ACOT12: variants seen among roughly 807,000 people sequenced by gnomAD.
ACOT12 encodes acyl-CoA thioesterase 12.
In ACOT12, 51 loss-of-function variants were observed where a neutral mutation model predicts 67.7. The ratio of observed to expected loss-of-function variants is 0.75; its 90% CI spans 0.60 to 0.95. The LOEUF (loss-of-function observed/expected upper bound fraction) is 0.95. ACOT12 is among the 40% of genes least tolerant of loss of function. ACOT12 has a pLI of 0.00. For missense variants in ACOT12, 734 were observed against 708.1 expected (o/e 1.04, Z -0.41); for synonymous variants, 251 against 244.6 (o/e 1.03, Z -0.24).
intron 10 of ACOT12, among the ~76,000 whole-genome samples, chr5:81,343,179 T>C (rs1759257141): frequency 6.7e-6 from 1 of 148,438 alleles, no homozygotes; most frequent in Non-Finnish European, 1.5e-5. Flanking sequence ...AGAGTGAGAC[T>C]CTGTCTCAAA....
rs777679257 is a variant in ACOT12 at position 81,344,985 on chromosome 5, C to T, written c.830G>A (p.Arg277Gln). Residue 277 changes from arginine to glutamine, a missense_variant, in exon 8 of 15, where the codon CGA (arginine) becomes CAA (glutamine). Arg to Gln is a conservative substitution (Grantham distance 43, BLOSUM62 1). Transcript: ENST00000307624. ...AFDCQEWAEGRGRHINSAFLI... is the reference protein window; with the variant it reads ...AFDCQEWAEGQGRHINSAFLI... Reference sequence around the variant, plus strand: ...AAAAGCACTGTTGATGTGACGCCCTCGGCCCTCGGCCCATTCCTGACAGTC... The same window carrying T: ...AAAAGCACTGTTGATGTGACGCCCTTGGCCCTCGGCCCATTCCTGACAGTC... 32 of 1,614,170 alleles carry T rather than the reference C, an allele frequency of 2.0e-5. No individual in the cohort carries two copies. The Middle Eastern group carries it at 4.9e-4, about 25-fold the overall frequency.
rs557955647 is a variant in ACOT12, at chr5:81,345,024, C to T, written c.791G>A (p.Arg264His). 228 of 1,614,044 alleles carry T rather than the reference C, an allele frequency of 1.4e-4. No individual in the cohort carries two copies. The South Asian group carries it at 2.2e-3, about 16-fold the overall frequency. ...TFQTCVEVGV[R>H]VEAFDCQEWA... Reference sequence around the variant, plus strand: ...TTCCTGACAGTCAAAGGCCTCCACGCGAACTCCAACTTCAACACTGTGAAG... The same window carrying T: ...TTCCTGACAGTCAAAGGCCTCCACGTGAACTCCAACTTCAACACTGTGAAG... The change falls in exon 8 of 15, where the codon CGC (arginine) becomes CAC (histidine). Residue 264 changes from arginine (R) to histidine (H), a missense_variant. Physicochemically the swap from Arg to His is conservative, Grantham distance 29. Coordinates refer to ENST00000307624, the MANE Select transcript of ACOT12 (RefSeq NM_130767.3).
Position 81,363,902 on chromosome 5 carries a change from A to G in ACOT12, c.259-13T>C. 6.5e-7 allele frequency: 1 copy of G among 1,547,888 alleles called. No homozygotes were observed. The highest frequency in any genetic ancestry group is 8.7e-7 in the Non-Finnish European group (1 of 1,144,960). ...CCTTGATACTGATCTAAAATGAAAA[A>G]AAGATAAATAAATACACTCTTGGCC... On this transcript the variant is annotated splice_polypyrimidine_tract_variant and intron_variant, in intron 3 of 14. Transcript: ENST00000307624.
intron 5 of ACOT12, among the ~76,000 whole-genome samples, chr5:81,355,833 T>C (rs924653771): frequency 1.3e-5 from 2 of 152,204 alleles, no homozygotes; most frequent in Non-Finnish European, 2.9e-5. Context: ...CTTGGATGGC[T>C]GGAGTGAAGG....
chr5:81,309,195 T>A, the ACOT12 span: 2 of 510,546 alleles, frequency 3.9e-6, no homozygotes, highest in Non-Finnish European at 3.3e-6. Flanking sequence ...TGTACTAGGC[T>A]TTTTGTGCAA....
intron 3 of ACOT12, among the ~76,000 whole-genome samples, chr5:81,369,382 G>C (rs867050460): frequency 6.6e-6 from 1 of 152,194 alleles, no homozygotes. Flanking sequence ...AATTAGCAGA[G>C]GGCTGGCCTC....
At chr5:81,329,956 T>C (rs1277540937), downstream of ACOT12, 1 of 153,970 alleles carries the variant, frequency 6.5e-6, no homozygotes, top group Non-Finnish European at 1.4e-5. Context: ...AGACACCTGC[T>C]GCACGAGGAA....
Position 81,335,843 on chromosome 5 carries a change from A to G in ACOT12, c.1187T>C (p.Val396Ala), listed in dbSNP as rs1424642248. The G allele has an allele frequency of 1.5e-5, 25 of 1,614,178 alleles. No homozygotes were observed. Among genetic ancestry groups the G allele is most frequent in the Non-Finnish European group, 2.1e-5 (25 of 1,180,006 alleles). Residue 396 changes from valine to alanine, a missense_variant, in exon 12 of 15, where the codon GTG becomes GCG. Val to Ala is a moderately conservative substitution (Grantham distance 64). Transcript: ENST00000307624. ...DVLSVWVEKHVGSPAHLAYRL... is the reference protein window; with the variant it reads ...DVLSVWVEKHAGSPAHLAYRL... Reference sequence around the variant, plus strand: ...ATAAGCCAAATGTGCTGGACTTCCCACGTGCTTTTCAACCCAAACAGATAA... The same window carrying G: ...ATAAGCCAAATGTGCTGGACTTCCCGCGTGCTTTTCAACCCAAACAGATAA...
intron 11 of ACOT12, among the ~76,000 whole-genome samples, chr5:81,339,905 T>A (rs920757101): frequency 6.6e-6 from 1 of 150,754 alleles, no homozygotes. Flanking sequence ...GATTTTTTTT[T>A]ATAGAGATGA....
chr5:81,326,330 G>A (rs900530405), downstream of ACOT12, among the ~76,000 whole-genome samples: 1 of 151,604 alleles, frequency 6.6e-6, no homozygotes, highest in Non-Finnish European at 1.5e-5. Context: ...CTTCATGTTG[G>A]TCAGGCTGGT....
chr5:81,339,955 G>C (rs909118148), intron 11 of ACOT12, among the ~76,000 whole-genome samples: 1 of 151,532 alleles, frequency 6.6e-6, no homozygotes, highest in Non-Finnish European at 1.5e-5. Context: ...AAACTCCTAG[G>C]CTCAAACAAT....
intron 2 of ACOT12, among the ~76,000 whole-genome samples, chr5:81,383,820 T>A (rs1017327689): frequency 1.5e-4 from 23 of 152,138 alleles, no homozygotes; most frequent in African/African-American, 4.8e-4. Context: ...TTTAAACAGC[T>A]CTATAAAAGG....
At chr5:81,389,194 G>T (rs759809404) in intron 1 of ACOT12, among the ~76,000 whole-genome samples, 1 of 152,168 alleles carries the variant, frequency 6.6e-6, no homozygotes, top group Non-Finnish European at 1.5e-5. Flanking sequence ...GGAGGGGAAG[G>T]CCTGCTGAGC....
At position 81,394,128 on chromosome 5, in the gene ACOT12, G is replaced by A. The variant is rs887062543; in HGVS notation, c.-14C>T. The A allele has an allele frequency of 1.3e-4, 184 of 1,419,986 alleles. 1 individual carries two copies. The highest frequency in any genetic ancestry group is 1.7e-4 in the Non-Finnish European group (182 of 1,089,424). The allele number at this position is 1,419,986 out of a possible 1,614,324, so 88.0% of individuals were successfully genotyped here. A position where few individuals can be genotyped will look rare whatever the true frequency, so the allele number is the denominator to read the frequency against. On this transcript the variant is annotated 5_prime_UTR_variant, in exon 1 of 15. Coordinates refer to ENST00000307624, the MANE Select transcript of ACOT12 (RefSeq NM_130767.3). Reference sequence around the variant, plus strand: ...CGGCCGCTCCATGGCCAGGGCGAGAGCGCTACGCCTGCGGCCCCCGACACC... The same window carrying A: ...CGGCCGCTCCATGGCCAGGGCGAGAACGCTACGCCTGCGGCCCCCGACACC...
In ACOT12 at chr5:81,347,861, A is replaced by ACCAGTTCAAT. The variant is rs774734953; in HGVS notation, c.556_565dup (p.Val189AspfsTer2). The stretch of plus-strand genomic sequence containing the variant: ...GTGATGGTTTGCATGGGGTGGGAGG[A>ACCAGTTCAAT]CCAGTTCAATGCTCTGAACGGAGGT... On this transcript the variant is annotated stop_gained and frameshift_variant, in exon 6 of 15. Coordinates refer to ENST00000307624, the MANE Select transcript of ACOT12 (RefSeq NM_130767.3). LOFTEE classifies it high-confidence loss of function. 3.1e-6 allele frequency: 5 copies of ACCAGTTCAAT among 1,614,172 alleles called. No homozygotes were observed. Among genetic ancestry groups the ACCAGTTCAAT allele is most frequent in the East Asian group, 4.5e-5 (2 of 44,886 alleles).
At chr5:81,380,018 A>G (rs920785633) in intron 2 of ACOT12, among the ~76,000 whole-genome samples, 2 of 152,182 alleles carry the variant, frequency 1.3e-5, no homozygotes, top group Non-Finnish European at 2.9e-5. Context: ...AATCTGTAGC[A>G]TTTTTTGGCA....
chr5:81,327,888 G>C (rs1023522105), downstream of ACOT12, among the ~76,000 whole-genome samples: 2 of 152,124 alleles, frequency 1.3e-5, no homozygotes, highest in Non-Finnish European at 2.9e-5. Context: ...AATTTTTCTA[G>C]GTTTCCTCTG....
the ACOT12 span, among the ~76,000 whole-genome samples, chr5:81,311,990 C>T: frequency 6.6e-6 from 1 of 152,168 alleles, no homozygotes; most frequent in Non-Finnish European, 1.5e-5. Flanking sequence ...TAAGTCTGCT[C>T]ATTCTTACTT....
intron 2 of ACOT12, among the ~76,000 whole-genome samples, chr5:81,375,308 C>A (rs1168978956): frequency 2.0e-5 from 3 of 152,048 alleles, no homozygotes; most frequent in South Asian, 2.1e-4. Flanking sequence ...CACTGTCACC[C>A]CCAGGGCTGC....
Sources: gnomAD v4.1 joint callset for allele counts (sites outside exome capture counted in the v4.1 genomes callset) on GRCh38, gnomAD v4.1.1 for gene constraint, MANE v1.5 for transcripts, NCBI Gene and HGNC (gene_info 2026-07-23, HGNC 2026-07-21) for gene names.